Variants in FOXP1 observed in about 807,000 individuals in gnomAD.
FOXP1 encodes forkhead box protein P1.
In FOXP1, 15 loss-of-function variants were observed where a neutral mutation model predicts 98.2. That is an observed-to-expected ratio of 0.15 (90% CI 0.10 to 0.24). FOXP1 has a LOEUF of 0.24. Among genes scored for constraint, FOXP1 ranks in the 10% least tolerant of loss-of-function variants. The pLI is 1.00. For synonymous variants in FOXP1, 371 were observed against 314.5 expected (o/e 1.18, Z -1.90); for missense variants, 633 against 848.5 (o/e 0.75, Z 3.15).
At chr3:71,049,176 C>G (rs2049474264) in intron 9 of FOXP1, among the ~76,000 whole-genome samples, 1 of 152,094 alleles carries the variant, frequency 6.6e-6, no homozygotes, top group African/African-American at 2.4e-5. Context: ...CCTGATAAAC[C>G]TCGAGTTTCG....
At chr3:70,962,288 A>G (rs1202139639) in intron 20 of FOXP1, among the ~76,000 whole-genome samples, 1 of 152,186 alleles carries the variant, frequency 6.6e-6, no homozygotes, top group African/African-American at 2.4e-5. Context: ...TGTTTGTATA[A>G]TACAATGACC....
chr3:71,125,232 T>C lies in FOXP1; in HGVS notation c.181-12595A>G, dbSNP rs1002803312. Among the ~76,000 whole-genome samples the C allele has an allele frequency of 5.3e-5, 8 of 152,152 alleles. No individual in the cohort carries two copies. In the East Asian group the frequency reaches 1.3e-3, roughly 26 times the overall value. Reference sequence around the variant, plus strand: ...AACTAACACTGAATCCCAACTACGATTGGTTCTAAATTACTTTATATAAAC... The same window carrying C: ...AACTAACACTGAATCCCAACTACGACTGGTTCTAAATTACTTTATATAAAC... On this transcript the variant is annotated intron_variant, in intron 6 of 20. Transcript: ENST00000649528.
chr3:71,568,456 C>T (rs2047085610), intron 2 of FOXP1, among the ~76,000 whole-genome samples: 2 of 152,132 alleles, frequency 1.3e-5, no homozygotes, highest in South Asian at 2.1e-4. Context: ...GACATGTGAC[C>T]TGTGCAGTCC....
At chr3:71,486,631 T>C (rs915858812) in intron 3 of FOXP1, among the ~76,000 whole-genome samples, 3 of 152,214 alleles carry the variant, frequency 2.0e-5, no homozygotes, top group African/African-American at 7.2e-5. Context: ...AAAATTAAAA[T>C]GTACATTAGC....
intron 11 of FOXP1, among the ~76,000 whole-genome samples, chr3:71,026,427 G>A (rs1334765575): frequency 6.6e-6 from 1 of 152,200 alleles, no homozygotes; most frequent in Non-Finnish European, 1.5e-5. Flanking sequence ...AAAGTAGCAA[G>A]TCTCTGAAGA....
intron 4 of FOXP1, among the ~76,000 whole-genome samples, chr3:71,328,033 G>A (rs978785898): frequency 1.3e-5 from 2 of 152,182 alleles, no homozygotes; most frequent in Non-Finnish European, 2.9e-5. Flanking sequence ...TTCATCAGCA[G>A]TAGAGAGATC....
chr3:71,197,366 C>T (rs1421578148), intron 6 of FOXP1, among the ~76,000 whole-genome samples: 3 of 152,076 alleles, frequency 2.0e-5, no homozygotes, highest in Admixed American at 6.5e-5. Flanking sequence ...GGCGGGAAAA[C>T]CAAAGCCAGT....
intron 3 of FOXP1, among the ~76,000 whole-genome samples, chr3:71,409,701 G>A (rs1369659948): frequency 6.6e-6 from 1 of 152,110 alleles, no homozygotes; most frequent in Non-Finnish European, 1.5e-5. Flanking sequence ...TTTTAACTCT[G>A]GGGTTAAACT....
At chr3:71,231,489 T>C (rs2106764493) in intron 5 of FOXP1, among the ~76,000 whole-genome samples, 1 of 152,316 alleles carries the variant, frequency 6.6e-6, no homozygotes, top group East Asian at 1.9e-4. Context: ...ATTACTATAA[T>C]TTATTATAAA....
intron 4 of FOXP1, among the ~76,000 whole-genome samples, chr3:71,316,316 G>A (rs2075071210): frequency 6.6e-6 from 1 of 152,206 alleles, no homozygotes; most frequent in African/African-American, 2.4e-5. Context: ...TCCACGGCAT[G>A]GTGAGGGTTT....
intron 7 of FOXP1, among the ~76,000 whole-genome samples, chr3:71,095,038 T>C (rs1343356445): frequency 6.6e-6 from 1 of 152,258 alleles, no homozygotes; most frequent in Admixed American, 6.5e-5. Context: ...TGACACCGTG[T>C]CATGCAAAAT....
intron 6 of FOXP1, among the ~76,000 whole-genome samples, chr3:71,121,484 A>C (rs1181875772): frequency 2.6e-5 from 3 of 113,990 alleles, no homozygotes; most frequent in African/African-American, 8.5e-5. Flanking sequence ...GAGCTAAAAA[A>C]AAAACCCACC....
intron 2 of FOXP1, among the ~76,000 whole-genome samples, chr3:71,534,318 C>T (rs2044111484): frequency 6.6e-6 from 1 of 152,104 alleles, no homozygotes; most frequent in South Asian, 2.1e-4. Context: ...GAGTGGAGAT[C>T]ACGCCATTGC....
chr3:71,091,876 T>C (rs1227998971), intron 7 of FOXP1, among the ~76,000 whole-genome samples: 1 of 152,190 alleles, frequency 6.6e-6, no homozygotes, highest in Non-Finnish European at 1.5e-5. Flanking sequence ...ATCTGGCTTT[T>C]ACAAAAGCCA....
intron 14 of FOXP1, among the ~76,000 whole-genome samples, chr3:70,984,319 C>T (rs1327441639): frequency 1.3e-5 from 2 of 152,208 alleles, no homozygotes; most frequent in Admixed American, 6.5e-5. Flanking sequence ...CCACTCTTAA[C>T]CTAAGGAAAG....
chr3:70,989,347 T>TAAGA (rs373203908), intron 13 of FOXP1, among the ~76,000 whole-genome samples: 1 of 151,826 alleles, frequency 6.6e-6, no homozygotes. Context: ...AGGAATAAAT[T>TAAGA]AAGAAAGAAA....
At chr3:71,258,928 G>A (rs552081100) in intron 5 of FOXP1, among the ~76,000 whole-genome samples, 20 of 152,238 alleles carry the variant, frequency 1.3e-4, no homozygotes, top group African/African-American at 4.1e-4. Context: ...GCCGGATCAC[G>A]AGGTCAGGAG....
At chr3:71,021,128 C>T (rs1051480748) in intron 11 of FOXP1, among the ~76,000 whole-genome samples, 1 of 152,162 alleles carries the variant, frequency 6.6e-6, no homozygotes, top group Non-Finnish European at 1.5e-5. Context: ...TAACCATCAT[C>T]ACCAACTAAT....
chr3:71,354,150 CAA>C (rs541215729), intron 4 of FOXP1, among the ~76,000 whole-genome samples: 3 of 129,066 alleles, frequency 2.3e-5, no homozygotes, highest in Non-Finnish European at 3.3e-5. Context: ...ATTAAAAATA[CAA>C]AAAAAAAAAA....
Sources: gnomAD v4.1 joint callset for allele counts (sites outside exome capture counted in the v4.1 genomes callset) on GRCh38, gnomAD v4.1.1 for gene constraint, MANE v1.5 for transcripts, NCBI Gene and HGNC (gene_info 2026-07-23, HGNC 2026-07-21) for gene names.